The following COL22A1 variants were observed in gnomAD, a reference collection of about 807,000 sequenced individuals.
COL22A1 encodes the protein collagen type XXII alpha 1 chain, also known as collagen alpha-1(XXII) chain.
A neutral mutation model predicts 248.9 loss-of-function variants in COL22A1; 221 were observed. That is an observed-to-expected ratio of 0.89 (90% CI 0.80 to 0.99). The LOEUF (loss-of-function observed/expected upper bound fraction) is 0.99, where lower values mean the gene tolerates loss of function less well. COL22A1 is among the 50% of genes least tolerant of loss of function. The probability of loss-of-function intolerance (pLI) is 0.00; values close to 1 mark genes in which losing one functional copy is unlikely to be tolerated. For missense variants in COL22A1, 2,240 were observed against 2,179.0 expected (o/e 1.03, Z -0.56); for synonymous variants, 891 against 793.4 (o/e 1.12, Z -2.07).
At chr8:138,626,085 A>G in intron 51 of COL22A1, 105 bp downstream of exon 51, 1 of 811,832 alleles carries the variant, frequency 1.2e-6, no homozygotes, top group Non-Finnish European at 1.9e-6. Context: ...TCAAAATTCT[A>G]GTGGCCAGGC....
At chr8:138,769,743 C>T (rs1474233183) in intron 16 of COL22A1, among the ~76,000 whole-genome samples, 3 of 152,210 alleles carry the variant, frequency 2.0e-5, no homozygotes, top group Admixed American at 2.0e-4. Flanking sequence ...AAATACTTAT[C>T]ACAGTCACTC....
intron 4 of COL22A1, among the ~76,000 whole-genome samples, chr8:138,834,912 G>C (rs377462754): frequency 6.6e-6 from 1 of 152,180 alleles, no homozygotes; most frequent in African/African-American, 2.4e-5. Flanking sequence ...CCTGGCTCCA[G>C]GAGAACTGGA....
chr8:138,683,240 C>T (rs988369813), intron 39 of COL22A1, among the ~76,000 whole-genome samples: 6 of 152,178 alleles, frequency 3.9e-5, no homozygotes, highest in Middle Eastern at 3.2e-3. Context: ...TAAAATCTTA[C>T]ACATGTGGTA....
At chr8:138,610,172 C>CGTGA (rs1386237208) in intron 56 of COL22A1, among the ~76,000 whole-genome samples, 1 of 152,148 alleles carries the variant, frequency 6.6e-6, no homozygotes, top group Non-Finnish European at 1.5e-5. Flanking sequence ...ATTTCTCATC[C>CGTGA]GTGAATGCGG....
intron 2 of COL22A1, among the ~76,000 whole-genome samples, chr8:138,880,604 T>A (rs147055465): frequency 1.6e-4 from 25 of 152,304 alleles, no homozygotes; most frequent in African/African-American, 5.1e-4. Context: ...CCCTCTAGTT[T>A]TGAAAATCCA....
At chr8:138,807,635 A>G (rs1039224589) in intron 10 of COL22A1, 133 bp downstream of exon 10, 2 of 789,396 alleles carry the variant, frequency 2.5e-6, no homozygotes, top group Non-Finnish European at 4.1e-6. Context: ...GCTCTTATCC[A>G]TCTAATTTAA....
rs74549452 is a variant in COL22A1, at chr8:138,895,747, T to G, written c.-72-12503A>C. ...AAGAAAGAGTACGGAGCTCAAAAAC[T>G]TAAAAGAAATAATGGATGGTAAATT... On this transcript the variant is annotated intron_variant, in intron 1 of 64. Coordinates refer to ENST00000303045, the MANE Select transcript of COL22A1 (RefSeq NM_152888.3). 5.6e-3 allele frequency among the ~76,000 whole-genome samples: 858 copies of G among 152,260 alleles called. 6 individuals are homozygous for G. The highest frequency in any genetic ancestry group is 0.019 in the African/African-American group (807 of 41,550).
At chr8:138,872,289 G>A (rs1823402124) in intron 3 of COL22A1, among the ~76,000 whole-genome samples, 1 of 152,162 alleles carries the variant, frequency 6.6e-6, no homozygotes, top group African/African-American at 2.4e-5. Context: ...GTGGGAGAGG[G>A]GGAGGGGATG....
intron 56 of COL22A1, among the ~76,000 whole-genome samples, 179 bp from the exon 57 acceptor site, chr8:138,608,168 T>A (rs199952397): frequency 1.3e-5 from 2 of 152,346 alleles, no homozygotes; most frequent in East Asian, 3.9e-4. Context: ...TAAAAGGAAC[T>A]TGTAATATTT....
chr8:138,660,411 C>T, intron 44 of COL22A1, 25 bp downstream of exon 44: 1 of 1,602,854 alleles, frequency 6.2e-7, no homozygotes, highest in Non-Finnish European at 8.5e-7. Flanking sequence ...AGTCAATATT[C>T]ATCCAGAACC....
intron 12 of COL22A1, among the ~76,000 whole-genome samples, chr8:138,789,099 T>C (rs1815806923): frequency 6.6e-6 from 1 of 152,160 alleles, no homozygotes; most frequent in Admixed American, 6.5e-5. Flanking sequence ...TTGTGACTGG[T>C]CCATTAGACT....
intron 31 of COL22A1, among the ~76,000 whole-genome samples, 170 bp from the exon 32 acceptor site, chr8:138,700,314 CTATT>C (rs1378598827): frequency 3.9e-5 from 6 of 152,198 alleles, no homozygotes; most frequent in African/African-American, 1.2e-4. Context: ...AAATCCCTGG[CTATT>C]TATTTATTAA....
At chr8:138,876,333 C>T (rs139860544) in intron 3 of COL22A1, among the ~76,000 whole-genome samples, 3 of 152,314 alleles carry the variant, frequency 2.0e-5, no homozygotes, top group African/African-American at 7.2e-5. Context: ...AGTATCCCCA[C>T]ACATACCACG....
intron 30 of COL22A1, among the ~76,000 whole-genome samples, chr8:138,713,712 C>CCA: frequency 6.7e-6 from 1 of 148,996 alleles, no homozygotes; most frequent in African/African-American, 2.5e-5. Context: ...ATGAGTCCAC[C>CCA]CCCACCGCCC....
At chr8:138,602,603 C>T (rs553424292) in intron 59 of COL22A1, among the ~76,000 whole-genome samples, 9 of 152,268 alleles carry the variant, frequency 5.9e-5, no homozygotes, top group East Asian at 3.9e-4. Context: ...CCTCTCTGTC[C>T]GGATACCTAC....
chr8:138,689,567 T>C (rs2130884573), intron 36 of COL22A1, among the ~76,000 whole-genome samples: 1 of 151,924 alleles, frequency 6.6e-6, no homozygotes, highest in African/African-American at 2.4e-5. Context: ...ATACAAAAAT[T>C]AGCTGGGCAT....
chr8:138,591,538 C>T, intron 63 of COL22A1, 37 bp from the exon 64 acceptor site: 1 of 1,464,930 alleles, frequency 6.8e-7, no homozygotes. Context: ...TGGTGGAGAC[C>T]CCCGGGGAGG....
At chr8:138,798,412 ATG>A (rs2131611882) in intron 11 of COL22A1, among the ~76,000 whole-genome samples, 1 of 151,824 alleles carries the variant, frequency 6.6e-6, no homozygotes, top group East Asian at 1.9e-4. Context: ...CACTACTTTC[ATG>A]ATATTTTTAA....
chr8:138,846,389 G>A (rs1821247152), intron 3 of COL22A1, among the ~76,000 whole-genome samples: 1 of 152,166 alleles, frequency 6.6e-6, no homozygotes, highest in South Asian at 2.1e-4. Flanking sequence ...TCACATCTCT[G>A]CAAATTTCCC....
Sources: allele counts gnomAD v4.1 joint callset (sites outside exome capture counted in the v4.1 genomes callset), GRCh38; gene constraint gnomAD v4.1.1; transcripts MANE v1.5; gene names NCBI Gene and HGNC (gene_info 2026-07-23, HGNC 2026-07-21).